Variants in IQUB observed in about 807,000 individuals in gnomAD.
IQUB encodes the protein IQ motif and ubiquitin-like domain-containing protein.
Under a neutral mutation model 86.4 loss-of-function variants are expected in IQUB, and 86 were observed. That is an observed-to-expected ratio of 1.00 (90% CI 0.84 to 1.19). The LOEUF is 1.19. IQUB is among the 50% of genes most tolerant of loss of function. The pLI, the probability that IQUB is intolerant of heterozygous loss-of-function variation, is 0.00. For missense variants in IQUB, 946 were observed against 916.9 expected, an observed-to-expected ratio of 1.03 and a Z score of -0.41; for synonymous variants, 289 against 304.5, an observed-to-expected ratio of 0.95 and a Z score of 0.53.
At chr7:123,518,143 A>ATT (rs58814111) in intron 1 of IQUB, among the ~76,000 whole-genome samples, 6 of 150,170 alleles carry the variant, frequency 4.0e-5, no homozygotes, top group East Asian at 2.0e-4. Context: ...TCATCCTTTT[A>ATT]TTTTTTTTTT....
At chr7:123,509,692 A>C (rs1796333643) in intron 3 of IQUB, among the ~76,000 whole-genome samples, 2 of 152,186 alleles carry the variant, frequency 1.3e-5, no homozygotes, top group Non-Finnish European at 2.9e-5. Flanking sequence ...CAGGAATCTT[A>C]CTTCACATTT....
intron 7 of IQUB, among the ~76,000 whole-genome samples, chr7:123,495,672 T>A (rs1399998053): frequency 2.0e-5 from 3 of 152,126 alleles, no homozygotes; most frequent in Admixed American, 2.0e-4. Flanking sequence ...AGATATCTGG[T>A]GTATTAAGTA....
intron 10 of IQUB, among the ~76,000 whole-genome samples, chr7:123,464,362 G>A (rs537781937): frequency 6.6e-6 from 1 of 151,894 alleles, no homozygotes; most frequent in East Asian, 1.9e-4. Flanking sequence ...ATAACTTTGT[G>A]ATAAGTGTTA....
intron 7 of IQUB, among the ~76,000 whole-genome samples, chr7:123,481,240 A>ACCC (rs1259026163): frequency 6.6e-6 from 1 of 151,708 alleles, no homozygotes; most frequent in Non-Finnish European, 1.5e-5. Context: ...GGGAGCCATC[A>ACCC]CCCCCCACTT....
chr7:123,525,588 CTCT>C (rs1351476580), intron 1 of IQUB, among the ~76,000 whole-genome samples: 2 of 152,082 alleles, frequency 1.3e-5, no homozygotes, highest in African/African-American at 4.8e-5. Context: ...TGATTCTTCT[CTCT>C]TTTTTTCTTT....
intron 10 of IQUB, 122 bp from the exon 11 acceptor site, chr7:123,461,727 A>T (rs573682856): frequency 1.1e-6 from 1 of 880,258 alleles, no homozygotes; most frequent in East Asian, 2.9e-5. Context: ...TTAAAAAAAA[A>T]AGTTGGCTAA....
chr7:123,476,032 C>T (rs1794731985), intron 8 of IQUB, among the ~76,000 whole-genome samples: 1 of 152,172 alleles, frequency 6.6e-6, no homozygotes, highest in Non-Finnish European at 1.5e-5. Flanking sequence ...AATTATACAA[C>T]CACTATTTCT....
rs1471020544 is a variant in IQUB, at chr7:123,461,558, G to A, written c.1806C>T (p.His602=). Residue 602 remains histidine, a synonymous_variant, in exon 11 of 13, where the codon CAC becomes CAT. Coordinates refer to ENST00000324698, the MANE Select transcript of IQUB (RefSeq NM_178827.5). The part of the protein sequence containing the change: ...LKFYKKIYFC[H]SCQLYLPSTE... The stretch of plus-strand genomic sequence containing the variant: ...TAGAAGGCAAATAAAGCTGGCAACT[G>A]TGGCAAAAGTAAATCTTCTTATAAA... 14 of 1,611,428 alleles carry A rather than the reference G, an allele frequency of 8.7e-6. No individual in the cohort carries two copies. The highest frequency in any genetic ancestry group is 1.2e-5 in the Non-Finnish European group (14 of 1,178,448).
At chr7:123,476,913 A>G (rs1794769244) in intron 8 of IQUB, among the ~76,000 whole-genome samples, 1 of 152,156 alleles carries the variant, frequency 6.6e-6, no homozygotes, top group Non-Finnish European at 1.5e-5. Context: ...GAGAACTACA[A>G]ACCACTGCTC....
At chr7:123,502,182 T>C (rs1795975566) in intron 6 of IQUB, 1 of 162,642 alleles carries the variant, frequency 6.1e-6, no homozygotes, top group African/African-American at 2.4e-5. Flanking sequence ...GAATGAAAAA[T>C]GAGAGACTAT....
Position 123,482,298 on chromosome 7 carries a change from A to T in IQUB, c.1235-2328T>A, listed in dbSNP as rs189128095. On this transcript the variant is annotated intron_variant, in intron 7 of 12. Transcript: ENST00000324698. ...AAGACAGAGCCAAGTAAAAAAAATTAAAAGCATATTTGAACAATGATTTTT... is the reference window on the plus strand; with the variant it reads ...AAGACAGAGCCAAGTAAAAAAAATTTAAAGCATATTTGAACAATGATTTTT... Among the ~76,000 whole-genome samples the T allele has an allele frequency of 1.6e-4, 24 of 152,200 alleles. No individual in the cohort carries two copies. In the East Asian group the frequency reaches 1.9e-3, roughly 12 times the overall value.
intron 7 of IQUB, among the ~76,000 whole-genome samples, chr7:123,493,933 G>A (rs1214086898): frequency 1.3e-5 from 2 of 152,040 alleles, no homozygotes; most frequent in Non-Finnish European, 2.9e-5. Flanking sequence ...ATAAGTTATG[G>A]CACATCCATG....
chr7:123,526,389 T>C (rs1184338900), intron 1 of IQUB, among the ~76,000 whole-genome samples: 6 of 152,330 alleles, frequency 3.9e-5, no homozygotes, highest in Admixed American at 3.9e-4. Flanking sequence ...GGTGCTCCTG[T>C]ATTGGGTGCA....
chr7:123,494,774 G>A (rs1036237447), intron 7 of IQUB, among the ~76,000 whole-genome samples: 1 of 151,990 alleles, frequency 6.6e-6, no homozygotes, highest in Non-Finnish European at 1.5e-5. Flanking sequence ...CTCTGAAGTA[G>A]ACAGGCCAAA....
chr7:123,532,556 G>A (rs1162487349), intron 1 of IQUB: 12 of 152,130 alleles, frequency 7.9e-5, no homozygotes, highest in African/African-American at 2.9e-4. Context: ...CAGACCTTTG[G>A]GTAACTTCAA....
At chr7:123,477,951 G>A (rs538489568) in intron 8 of IQUB, among the ~76,000 whole-genome samples, 1 of 152,316 alleles carries the variant, frequency 6.6e-6, no homozygotes, top group South Asian at 2.1e-4. Flanking sequence ...ACAGATGCTG[G>A]AGAGGATGTG....
At chr7:123,462,058 T>A (rs1029878579) in intron 10 of IQUB, among the ~76,000 whole-genome samples, 5 of 151,872 alleles carry the variant, frequency 3.3e-5, no homozygotes, top group African/African-American at 4.8e-5. Flanking sequence ...TTAGTTCAAA[T>A]GATTAATTTT....
At chr7:123,525,971 T>C (rs1434080412) in intron 1 of IQUB, among the ~76,000 whole-genome samples, 1 of 138,410 alleles carries the variant, frequency 7.2e-6, no homozygotes, top group East Asian at 2.1e-4. Context: ...CCAGTAGTCA[T>C]TCAGGAGCAT....
chr7:123,504,902 T>C (rs988632059), intron 3 of IQUB, among the ~76,000 whole-genome samples: 2 of 152,186 alleles, frequency 1.3e-5, no homozygotes, highest in African/African-American at 4.8e-5. Flanking sequence ...CAAAGTCTCA[T>C]CTGAGACAAG....
Sources: gnomAD v4.1 joint callset for allele counts (sites outside exome capture counted in the v4.1 genomes callset) on GRCh38, gnomAD v4.1.1 for gene constraint, MANE v1.5 for transcripts, NCBI Gene and HGNC (gene_info 2026-07-23, HGNC 2026-07-21) for gene names.